GRAMD1B: variants seen among roughly 807,000 people sequenced by gnomAD.
The protein encoded by GRAMD1B is protein Aster-B.
In GRAMD1B, 37 loss-of-function variants were observed where a neutral mutation model predicts 99.7. The ratio of observed to expected loss-of-function variants is 0.37; its 90% CI spans 0.29 to 0.49. The LOEUF (loss-of-function observed/expected upper bound fraction) is 0.49. Ranked by LOEUF, GRAMD1B falls within the 20% of genes least tolerant of loss-of-function variation. The pLI, the probability that GRAMD1B is intolerant of heterozygous loss-of-function variation, is 0.98. For missense variants in GRAMD1B, 888 were observed against 1,009.2 expected, an observed-to-expected ratio of 0.88 and a Z score of 1.63; for synonymous variants, 427 against 387.6, an observed-to-expected ratio of 1.10 and a Z score of -1.19.
intron 2 of GRAMD1B, among the ~76,000 whole-genome samples, chr11:123,548,325 T>TATATATATATATACAC (rs1555067740): frequency 2.8e-4 from 24 of 86,872 alleles, no homozygotes; most frequent in African/African-American, 1.1e-3. Flanking sequence ...TATATATATA[T>TATATATATATATACAC]ACACACACAC....
intron 1 of GRAMD1B, among the ~76,000 whole-genome samples, chr11:123,407,742 C>G (rs566987464): frequency 6.6e-6 from 1 of 152,260 alleles, no homozygotes; most frequent in Admixed American, 6.5e-5. Flanking sequence ...CTGTCATCTC[C>G]CCAAATTAAA....
chr11:123,542,854 A>G (rs753641136), intron 2 of GRAMD1B, among the ~76,000 whole-genome samples: 6 of 152,016 alleles, frequency 3.9e-5, no homozygotes, highest in Non-Finnish European at 8.8e-5. Context: ...GGGTTTCACC[A>G]TGTTGCCCAG....
chr11:123,386,868 G>A (rs1186231709), intron 1 of GRAMD1B, among the ~76,000 whole-genome samples: 1 of 152,212 alleles, frequency 6.6e-6, no homozygotes, highest in Non-Finnish European at 1.5e-5. Flanking sequence ...TTCCTTGGCT[G>A]TGAAATATTT....
chr11:123,465,887 ACT>A (rs916425285), intron 1 of GRAMD1B, among the ~76,000 whole-genome samples: 1 of 152,158 alleles, frequency 6.6e-6, no homozygotes, highest in Non-Finnish European at 1.5e-5. Flanking sequence ...TACTGGCCTG[ACT>A]CTGTGAGAGG....
intron 1 of GRAMD1B, among the ~76,000 whole-genome samples, chr11:123,424,251 A>T (rs1386346512): frequency 7.2e-6 from 1 of 139,384 alleles, no homozygotes; most frequent in African/African-American, 2.8e-5. Context: ...GTCCCCCAAC[A>T]CCAAAAAAAA....
intron 2 of GRAMD1B, among the ~76,000 whole-genome samples, chr11:123,536,305 C>G (rs982970750): frequency 2.6e-5 from 4 of 152,120 alleles, no homozygotes; most frequent in African/African-American, 9.7e-5. Context: ...ATCCAAGCTA[C>G]TTGGGAGGTT....
chr11:123,487,876 G>T (rs890584925), intron 2 of GRAMD1B, among the ~76,000 whole-genome samples: 1 of 152,166 alleles, frequency 6.6e-6, no homozygotes. Context: ...CCAAGTTCTG[G>T]GATTACAGAC....
In GRAMD1B at chr11:123,496,815, A is replaced by G. The variant is rs376700226; in HGVS notation, c.452+15922A>G. Among the ~76,000 whole-genome samples the G allele has an allele frequency of 3.9e-5, 6 of 152,060 alleles. No homozygotes were observed. The East Asian group carries it at 1.2e-3, about 29-fold the overall frequency. On this transcript the variant is annotated intron_variant, in intron 2 of 19. Coordinates refer to ENST00000635736, the MANE Select transcript of GRAMD1B (RefSeq NM_001387025.1). ...TGCTTAATTCATTTTAATAATTTCA[A>G]TCTCTTTGTTAAATTTATCTCATAG...
intron 7 of GRAMD1B, chr11:123,597,986 T>G: frequency 8.3e-7 from 1 of 1,210,256 alleles, no homozygotes; most frequent in South Asian, 1.2e-5. Flanking sequence ...TGTCTTCTTA[T>G]TCACAGCATT....
At chr11:123,573,933 A>G (rs1948434795) in intron 2 of GRAMD1B, among the ~76,000 whole-genome samples, 1 of 152,134 alleles carries the variant, frequency 6.6e-6, no homozygotes, top group Non-Finnish European at 1.5e-5. Flanking sequence ...TGGGGCGTGC[A>G]GAGGGCTGAG....
rs1379208489 is a variant in GRAMD1B at position 123,610,232 on chromosome 11, G to A, written c.1813G>A (p.Val605Met). 1 of 1,613,854 alleles carries A rather than the reference G, an allele frequency of 6.2e-7. No individual in the cohort carries two copies. The highest frequency in any genetic ancestry group is 1.1e-5 in the South Asian group (1 of 91,078). The change falls in exon 14 of 20, where the codon GTG becomes ATG. Residue 605 changes from valine (V) to methionine (M), a missense_variant. Physicochemically the swap from Val to Met is conservative, Grantham distance 21 (BLOSUM62 1). Coordinates refer to ENST00000635736, the MANE Select transcript of GRAMD1B (RefSeq NM_001387025.1). This position sits in a 1 kb window ranked among gnomAD's most constrained non-coding sequence, Gnocchi z 4.1. ...GGCGAGCCAGGAGAGTGAATGTTACGTGATAGATGCCGAAGTCCTCACCCA... is the reference window on the plus strand; with the variant it reads ...GGCGAGCCAGGAGAGTGAATGTTACATGATAGATGCCGAAGTCCTCACCCA... ...YKASQESECY[V>M]IDAEVLTHDV...
chr11:123,430,751 G>A lies in GRAMD1B; in HGVS notation c.-42G>A, dbSNP rs1162435178. 3.2e-6 allele frequency: 2 copies of A among 616,178 alleles called. No individual in the cohort carries two copies. The highest frequency in any genetic ancestry group is 2.7e-5 in the Admixed American group (1 of 36,464). 38.2% of individuals were successfully genotyped at this position (616,178 alleles called of 1,614,324 possible). On this transcript the variant is annotated 5_prime_UTR_variant, in exon 1 of 20. Coordinates refer to ENST00000635736, the MANE Select transcript of GRAMD1B (RefSeq NM_001387025.1). ...GCCAGAGGGAGACGCGAACCAGGCCGCTGGCGGAGGGCTCAGGGGGAGCGC... is the reference window on the plus strand; with the variant it reads ...GCCAGAGGGAGACGCGAACCAGGCCACTGGCGGAGGGCTCAGGGGGAGCGC...
intron 1 of GRAMD1B, among the ~76,000 whole-genome samples, chr11:123,470,157 A>G (rs537140212): frequency 6.0e-4 from 92 of 152,306 alleles, no homozygotes; most frequent in Non-Finnish European, 1.2e-3. Flanking sequence ...ATCAAGTCAT[A>G]TTCAGGACTC....
chr11:123,557,393 A>G (rs1310645497), intron 2 of GRAMD1B, among the ~76,000 whole-genome samples: 1 of 152,228 alleles, frequency 6.6e-6, no homozygotes, highest in Non-Finnish European at 1.5e-5. Flanking sequence ...TTGGTGACTG[A>G]AGAAATACCA....
At chr11:123,472,759 CTTA>C (rs1951079905) in intron 1 of GRAMD1B, among the ~76,000 whole-genome samples, 1 of 152,168 alleles carries the variant, frequency 6.6e-6, no homozygotes, top group South Asian at 2.1e-4. Flanking sequence ...CCACCCTAAT[CTTA>C]TTATCCAGAT....
intron 2 of GRAMD1B, among the ~76,000 whole-genome samples, chr11:123,517,905 C>A (rs1354323017): frequency 6.6e-6 from 1 of 152,120 alleles, no homozygotes; most frequent in African/African-American, 2.4e-5. Context: ...TGTATGGGTG[C>A]CCCCTCCCGG....
intron 1 of GRAMD1B, among the ~76,000 whole-genome samples, chr11:123,424,253 CA>C (rs1029881122): frequency 0.013 from 1,332 of 104,224 alleles, 12 homozygotes; most frequent in African/African-American, 0.029. Context: ...CCCCCAACAC[CA>C]AAAAAAAAAA....
At chr11:123,581,439 T>C (rs1213117007) in intron 3 of GRAMD1B, among the ~76,000 whole-genome samples, 2 of 152,216 alleles carry the variant, frequency 1.3e-5, no homozygotes, top group Non-Finnish European at 2.9e-5. Flanking sequence ...CCTGTGGGTC[T>C]GGGTCCTTCC....
intron 1 of GRAMD1B, among the ~76,000 whole-genome samples, chr11:123,439,130 G>A (rs756959540): frequency 2.6e-5 from 4 of 152,204 alleles, no homozygotes; most frequent in Non-Finnish European, 4.4e-5. Context: ...TGTCTTGGGG[G>A]GTGGGAATCT....
Sources: gnomAD v4.1 joint callset for allele counts (sites outside exome capture counted in the v4.1 genomes callset) on GRCh38, gnomAD v4.1.1 for gene constraint, Gnocchi (gnomAD v3.1) non-coding constraint, MANE v1.5 for transcripts, NCBI Gene and HGNC (gene_info 2026-07-23, HGNC 2026-07-21) for gene names.